DCDC1: variants seen among roughly 807,000 people sequenced by gnomAD.
DCDC1 encodes the protein doublecortin domain containing 1.
In DCDC1, 200 loss-of-function variants were observed where a neutral mutation model predicts 178.3. The observed-to-expected ratio is 1.12, with a 90% CI of 1.00 to 1.26. The LOEUF (loss-of-function observed/expected upper bound fraction) is 1.26, where lower values mean the gene tolerates loss of function less well. Among genes scored for constraint, DCDC1 ranks in the 50% most tolerant of loss-of-function variants. DCDC1 has a pLI of 0.00. For missense variants in DCDC1, 1,983 were observed against 1,749.2 expected (o/e 1.13, Z -2.38); for synonymous variants, 690 against 604.8 (o/e 1.14, Z -2.07).
At chr11:30,914,160 C>G (rs1590341740) in intron 27 of DCDC1, among the ~76,000 whole-genome samples, 1 of 152,376 alleles carries the variant, frequency 6.6e-6, no homozygotes, top group African/African-American at 2.4e-5. Context: ...AGCCTGCTGT[C>G]CTACCTACAC....
intron 12 of DCDC1, among the ~76,000 whole-genome samples, chr11:31,108,016 A>C (rs1254580484): frequency 6.6e-6 from 1 of 152,162 alleles, no homozygotes; most frequent in Non-Finnish European, 1.5e-5. Context: ...AGAAGTGCTA[A>C]ATGCTGAGGC....
At chr11:30,999,902 A>G (rs1333574882) in intron 20 of DCDC1, among the ~76,000 whole-genome samples, 1 of 152,168 alleles carries the variant, frequency 6.6e-6, no homozygotes, top group African/African-American at 2.4e-5. Context: ...TCAAATTGCA[A>G]AGAGAACTGA....
intron 9 of DCDC1, among the ~76,000 whole-genome samples, chr11:31,148,275 C>T (rs543526778): frequency 6.0e-5 from 9 of 150,800 alleles, no homozygotes; most frequent in African/African-American, 1.9e-4. Context: ...GGCCGGGCGC[C>T]GTGGCTCACA....
chr11:31,110,118 A>T (rs543428063), intron 12 of DCDC1, 142 bp downstream of exon 12: 72 of 564,242 alleles, frequency 1.3e-4, no homozygotes, highest in African/African-American at 1.1e-3. Flanking sequence ...AGAAATTCAG[A>T]AGTAAATCTT....
intron 9 of DCDC1, among the ~76,000 whole-genome samples, chr11:31,197,508 T>C (rs565763125): frequency 6.6e-6 from 1 of 152,240 alleles, no homozygotes; most frequent in South Asian, 2.1e-4. Flanking sequence ...TTTTTATTCT[T>C]ACCTCTTAGA....
chr11:31,083,955 G>T (rs192839985), intron 17 of DCDC1, among the ~76,000 whole-genome samples: 198 of 152,254 alleles, frequency 1.3e-3, no homozygotes, highest in African/African-American at 4.6e-3. Context: ...TTATCTGTAA[G>T]GTGTCCAAAA....
intron 11 of DCDC1, among the ~76,000 whole-genome samples, chr11:31,120,113 T>C (rs1276136434): frequency 1.3e-5 from 2 of 152,180 alleles, no homozygotes; most frequent in Non-Finnish European, 2.9e-5. Flanking sequence ...GTTAGATGCA[T>C]ACAACCTGGA....
chr11:31,266,385 C>A (rs1369649819), intron 7 of DCDC1, among the ~76,000 whole-genome samples: 1 of 152,122 alleles, frequency 6.6e-6, no homozygotes, highest in Non-Finnish European at 1.5e-5. Flanking sequence ...AAGTTCTACT[C>A]ACAAGGTGAG....
intron 20 of DCDC1, among the ~76,000 whole-genome samples, chr11:30,990,076 G>C (rs760811677): frequency 6.6e-6 from 1 of 152,066 alleles, no homozygotes; most frequent in Non-Finnish European, 1.5e-5. Context: ...ATGGGAAGAA[G>C]ACGCTTTTTC....
At chr11:31,351,153 G>T (rs1196287111) in intron 1 of DCDC1, among the ~76,000 whole-genome samples, 5 of 151,900 alleles carry the variant, frequency 3.3e-5, no homozygotes, top group Non-Finnish European at 7.4e-5. Context: ...TAATTATTTT[G>T]ATTTTAAAAA....
chr11:30,994,209 T>G (rs1230612055), intron 20 of DCDC1, among the ~76,000 whole-genome samples: 1 of 152,158 alleles, frequency 6.6e-6, no homozygotes, highest in Non-Finnish European at 1.5e-5. Context: ...AATCATGTAA[T>G]GATCTCAATA....
chr11:31,360,204 G>A (rs1951636125), intron 1 of DCDC1, among the ~76,000 whole-genome samples: 2 of 152,092 alleles, frequency 1.3e-5, no homozygotes, highest in Non-Finnish European at 2.9e-5. Flanking sequence ...CTCAGCTACT[G>A]GTTTGTTAAC....
intron 6 of DCDC1, among the ~76,000 whole-genome samples, chr11:31,297,275 T>C (rs886172599): frequency 6.6e-6 from 1 of 152,032 alleles, no homozygotes; most frequent in Admixed American, 6.6e-5. Flanking sequence ...GTAGGGTATG[T>C]GGGGCAGGGA....
At chr11:31,271,761 G>A (rs1430299975) in intron 7 of DCDC1, among the ~76,000 whole-genome samples, 1 of 152,160 alleles carries the variant, frequency 6.6e-6, no homozygotes, top group Non-Finnish European at 1.5e-5. Context: ...CACATGGCTG[G>A]AGAGGCCTCA....
Position 31,167,498 on chromosome 11 carries a change from T to G in DCDC1, c.1222-29714A>C, listed in dbSNP as rs1231507541. Among the ~76,000 whole-genome samples, 3 of 152,144 alleles carry G rather than the reference T, an allele frequency of 2.0e-5. No individual in the cohort carries two copies. In the East Asian group the frequency reaches 5.8e-4, roughly 29 times the overall value. On this transcript the variant is annotated intron_variant, in intron 9 of 38. Transcript: ENST00000684477. ...CAGATTACACCTTTCTTTTTACTAT[T>G]TCCAGAAAAACCACCCTAGGCTAGA... is the stretch of plus-strand genomic sequence containing the variant.
At chr11:31,040,464 T>C (rs1013031171) in intron 20 of DCDC1, among the ~76,000 whole-genome samples, 14 of 152,300 alleles carry the variant, frequency 9.2e-5, no homozygotes, top group South Asian at 6.2e-4. Context: ...ACCGCTGTTA[T>C]AGTTAAAAGA....
chr11:30,924,769 T>C (rs535922421), intron 23 of DCDC1, among the ~76,000 whole-genome samples: 32 of 152,258 alleles, frequency 2.1e-4, no homozygotes, highest in African/African-American at 6.7e-4. Flanking sequence ...AGGATCATGA[T>C]GAACATTAAG....
intron 1 of DCDC1, among the ~76,000 whole-genome samples, chr11:31,339,879 G>T (rs1054547990): frequency 2.0e-5 from 3 of 151,700 alleles, no homozygotes; most frequent in Non-Finnish European, 4.4e-5. Flanking sequence ...TGTCTAGACT[G>T]CACCTATCTA....
intron 18 of DCDC1, among the ~76,000 whole-genome samples, chr11:31,073,225 C>G (rs964410236): frequency 6.6e-6 from 1 of 152,014 alleles, no homozygotes. Context: ...GTTTTAGAAA[C>G]AAAACCTTGA....
Sources: gnomAD v4.1 joint callset for allele counts (sites outside exome capture counted in the v4.1 genomes callset) on GRCh38, gnomAD v4.1.1 for gene constraint, MANE v1.5 for transcripts, NCBI Gene and HGNC (gene_info 2026-07-23, HGNC 2026-07-21) for gene names.